The following GAS6 variants were observed in gnomAD, a reference collection of about 807,000 sequenced individuals.
The protein encoded by GAS6 is growth arrest-specific protein 6.
In GAS6, 41 loss-of-function variants were observed where a neutral mutation model predicts 75.8. That is an observed-to-expected ratio of 0.54 (90% CI 0.42 to 0.70). The LOEUF (loss-of-function observed/expected upper bound fraction) is 0.70, where lower values mean the gene tolerates loss of function less well. GAS6 is among the 30% of genes least tolerant of loss of function. GAS6 has a pLI of 0.00. For missense variants in GAS6, 854 were observed against 940.2 expected (o/e 0.91, Z 1.20); for synonymous variants, 432 against 412.6 (o/e 1.05, Z -0.57).
At chr13:113,859,206 G>A (rs2051947688) in intron 2 of GAS6, among the ~76,000 whole-genome samples, 1 of 144,486 alleles carries the variant, frequency 6.9e-6, no homozygotes, top group Non-Finnish European at 1.5e-5. Flanking sequence ...GTCTGTGTGT[G>A]TGACTGTGTA....
intron 4 of GAS6, chr13:113,842,917 G>A (rs1473090836): frequency 4.0e-5 from 16 of 396,946 alleles, no homozygotes; most frequent in South Asian, 3.9e-4. Flanking sequence ...CTCCTGCCAG[G>A]TGCCCAGCTC....
In GAS6 at chr13:113,832,434, A is replaced by G. The variant is rs2138630828; in HGVS notation, c.1008T>C (p.Phe336=). The G allele has an allele frequency of 1.9e-6, 3 of 1,609,626 alleles. No homozygotes were observed. Among genetic ancestry groups the G allele is most frequent in the East Asian group, 2.2e-5 (1 of 44,758 alleles). ...AGGTGCTGTCCTGGTGGCCTCCGGC[A>G]AAGAGGAGGATGCCCTCGGGGTCAA... ...RTFDPEGILL[F]AGGHQDSTWI... Residue 336 remains phenylalanine (F), a synonymous_variant, in exon 10 of 15, where the codon TTT becomes TTC. Transcript: ENST00000327773.
chr13:113,858,484 T>C (rs997120980), intron 2 of GAS6, among the ~76,000 whole-genome samples: 8 of 148,652 alleles, frequency 5.4e-5, no homozygotes, highest in Admixed American at 1.3e-4. Context: ...TCTGTGTGCC[T>C]ATGTATGCAT....
In GAS6 at chr13:113,845,073, G is replaced by C. The variant is rs2051823540; in HGVS notation, c.343+1454C>G. On this transcript the variant is annotated intron_variant, in intron 4 of 14. Coordinates refer to ENST00000327773, the MANE Select transcript of GAS6 (RefSeq NM_000820.4). This position sits in a 1 kb window ranked among gnomAD's most constrained non-coding sequence, Gnocchi z 4.3. ...GCTTGTCTCCTCTGAGCACGCAGGA[G>C]CCTCTGCCCCAAATGCAGACATTGG... 6.6e-6 allele frequency: 1 copy of C among 150,754 alleles called. No homozygotes were observed. The highest frequency in any genetic ancestry group is 1.5e-5 in the Non-Finnish European group (1 of 68,010). 9.3% of individuals were successfully genotyped at this position (150,754 alleles called of 1,614,324 possible).
At chr13:113,826,423 T>C (rs12875579) in intron 12 of GAS6, among the ~76,000 whole-genome samples, 54,711 of 89,498 alleles carry the variant, frequency 0.61, 14,625 homozygotes, top group East Asian at 0.73. Context: ...CTCCCGGCGC[T>C]GGCCTCGCAG....
intron 8 of GAS6, chr13:113,832,998 G>T: frequency 7.1e-7 from 1 of 1,413,000 alleles, no homozygotes; most frequent in Non-Finnish European, 9.2e-7. Flanking sequence ...CTCCTTCCCT[G>T]CTCATTTCCC....
At position 113,864,042 on chromosome 13, in the gene GAS6, G is replaced by GCGGCGGCGGCTGCGGCAC. The variant is rs1239783187; in HGVS notation, c.-140_-123dup. 1.0e-6 allele frequency: 1 copy of GCGGCGGCGGCTGCGGCAC among 974,512 alleles called. No individual in the cohort carries two copies. The highest frequency in any genetic ancestry group is 1.8e-5 in the African/African-American group (1 of 56,616). 60.4% of individuals were successfully genotyped at this position (974,512 alleles called of 1,614,324 possible). On this transcript the variant is annotated 5_prime_UTR_variant, in exon 1 of 15. Coordinates refer to ENST00000327773, the MANE Select transcript of GAS6 (RefSeq NM_000820.4). ...TGAAGGTCACATCGCGGCGGCGGCG[G>GCGGCGGCGGCTGCGGCAC]CGGCGGCGGCTGCGGCACCTCAAGC...
rs1050273471 is a variant in GAS6 at position 113,826,978 on chromosome 13, G to C, written c.1477+18C>G. 2.5e-6 allele frequency: 4 copies of C among 1,605,590 alleles called. No individual in the cohort carries two copies. Among genetic ancestry groups the C allele is most frequent in the Non-Finnish European group, 3.4e-6 (4 of 1,176,012 alleles). On this transcript the variant is annotated intron_variant, in intron 12 of 14. Coordinates refer to ENST00000327773, the MANE Select transcript of GAS6 (RefSeq NM_000820.4). ...AGGTGCAGCCACAGCCACCCCAACG[G>C]TAAGAGCCAAGACTTACTGTAGTCC...
intron 11 of GAS6, among the ~76,000 whole-genome samples, chr13:113,828,235 G>A (rs1368089804): frequency 9.9e-5 from 15 of 152,084 alleles, no homozygotes. Flanking sequence ...CTGCACTCCA[G>A]CCTGGGCAAC....
chr13:113,846,195 G>A (rs889264586), intron 4 of GAS6, among the ~76,000 whole-genome samples: 2 of 149,396 alleles, frequency 1.3e-5, no homozygotes, highest in Admixed American at 6.7e-5. Flanking sequence ...GCGGAAGGCC[G>A]CTCACACATG....
intron 11 of GAS6, among the ~76,000 whole-genome samples, chr13:113,828,076 C>CCCTCCTGGCTAA (rs1555305376): frequency 1.3e-5 from 2 of 152,026 alleles, no homozygotes; most frequent in African/African-American, 4.8e-5. Context: ...AAGATCGAGA[C>CCCTCCTGGCTAA]CACGGCGAAA....
Position 113,863,536 on chromosome 13 carries a change from G to T in GAS6, c.255+39C>A. Reference sequence around the variant, plus strand: ...CGGGAGCGGTTGGAGGCGCGCGGGCGCCAGGGGTTCCCCCGCATCCCGCCC... The same window carrying T: ...CGGGAGCGGTTGGAGGCGCGCGGGCTCCAGGGGTTCCCCCGCATCCCGCCC... On this transcript the variant is annotated intron_variant, in intron 2 of 14. Coordinates refer to ENST00000327773, the MANE Select transcript of GAS6 (RefSeq NM_000820.4). This position sits in a 1 kb window ranked among gnomAD's most constrained non-coding sequence, Gnocchi z 9.4. 1.3e-6 allele frequency: 2 copies of T among 1,485,582 alleles called. No individual in the cohort carries two copies. Among genetic ancestry groups the T allele is most frequent in the Middle Eastern group, 2.2e-4 (1 of 4,628 alleles). The allele number at this position is 1,485,582 out of a possible 1,614,324, so 92.0% of individuals were successfully genotyped here.
Position 113,820,789 on chromosome 13 carries a change from C to T in GAS6, c.*75G>A, listed in dbSNP as rs557088242. 1.7e-4 allele frequency: 256 copies of T among 1,493,154 alleles called. 1 individual carries two copies. The African/African-American group carries it at 2.6e-3, about 15-fold the overall frequency. 92.5% of individuals were successfully genotyped at this position (1,493,154 alleles called of 1,614,324 possible). ...AAGCCCAGCTCTCAGCATGGCCCCACGTGGTGAGGAGCCCCCAGGCTCCTC... is the reference window on the plus strand; with the variant it reads ...AAGCCCAGCTCTCAGCATGGCCCCATGTGGTGAGGAGCCCCCAGGCTCCTC... On this transcript the variant is annotated 3_prime_UTR_variant, in exon 15 of 15. Coordinates refer to ENST00000327773, the MANE Select transcript of GAS6 (RefSeq NM_000820.4).
Position 113,837,925 on chromosome 13 carries a change from C to T in GAS6, c.589+144G>A. 1.1e-6 allele frequency: 1 copy of T among 948,892 alleles called. No individual in the cohort carries two copies. The highest frequency in any genetic ancestry group is 1.6e-6 in the Non-Finnish European group (1 of 636,180). 58.8% of individuals were successfully genotyped at this position (948,892 alleles called of 1,614,324 possible). A position where few individuals can be genotyped will look rare whatever the true frequency, so the allele number is the denominator to read the frequency against. On this transcript the variant is annotated intron_variant, in intron 6 of 14. Transcript: ENST00000327773. This position sits in a 1 kb window ranked among gnomAD's most constrained non-coding sequence, Gnocchi z 5.1. ...CTCCCTGTGCTGCGGCTGGCCTGGG[C>T]TTGTGTAGTCTCTGCAGGATGCCCC...
chr13:113,834,235 A>ACCAGTGTGACAGGCC (rs371166432), intron 8 of GAS6, among the ~76,000 whole-genome samples: 1 of 150,852 alleles, frequency 6.6e-6, no homozygotes, highest in African/African-American at 2.5e-5. Context: ...TGTGACAGGC[A>ACCAGTGTGACAGGCC]CCGGTGTGAC....
At chr13:113,823,576 G>T in intron 12 of GAS6, 26 bp from the exon 13 acceptor site, 1 of 1,594,610 alleles carries the variant, frequency 6.3e-7, no homozygotes, top group Non-Finnish European at 8.6e-7. Flanking sequence ...TGCATTATAG[G>T]GTGGTATGCA....
In GAS6 at chr13:113,844,268, C is replaced by T. The variant is rs1566368998; in HGVS notation, c.343+2259G>A. On this transcript the variant is annotated intron_variant, in intron 4 of 14. Coordinates refer to ENST00000327773, the MANE Select transcript of GAS6 (RefSeq NM_000820.4). This position sits in a 1 kb window ranked among gnomAD's most constrained non-coding sequence, Gnocchi z 5.7. ...GATCTTGACCTTGCCCTCCTCTCCC[C>T]AGCTGGCCGCACTTGGGGACGCTGA... The T allele has an allele frequency of 1.3e-5, 2 of 150,856 alleles. No individual in the cohort carries two copies. The highest frequency in any genetic ancestry group is 2.9e-5 in the Non-Finnish European group (2 of 68,052). The allele number at this position is 150,856 out of a possible 1,614,324, so 9.3% of individuals were successfully genotyped here. A position where few individuals can be genotyped will look rare whatever the true frequency, so the allele number is the denominator to read the frequency against.
intron 12 of GAS6, among the ~76,000 whole-genome samples, chr13:113,825,580 GA>G (rs981072932): frequency 6.6e-6 from 1 of 152,216 alleles, no homozygotes; most frequent in African/African-American, 2.4e-5. Flanking sequence ...GCAGTCACTG[GA>G]AATGGCCCCT....
intron 7 of GAS6, 112 bp from the exon 8 acceptor site, chr13:113,834,784 T>G (rs1216519231): frequency 1.2e-5 from 14 of 1,210,324 alleles, no homozygotes; most frequent in Non-Finnish European, 1.5e-5. Context: ...AGGAATTACA[T>G]GCAGATTCTA....
Sources: allele counts gnomAD v4.1 joint callset (sites outside exome capture counted in the v4.1 genomes callset), GRCh38; gene constraint gnomAD v4.1.1; non-coding constraint Gnocchi (gnomAD v3.1); transcripts MANE v1.5; gene names NCBI Gene and HGNC (gene_info 2026-07-23, HGNC 2026-07-21).